Variants in CD1B observed in about 807,000 individuals in gnomAD.
CD1B encodes the protein T-cell surface glycoprotein CD1b.
In CD1B, 43 loss-of-function variants were observed where a neutral mutation model predicts 39.8. The observed-to-expected ratio is 1.08, with a 90% CI of 0.85 to 1.39. The LOEUF (loss-of-function observed/expected upper bound fraction) is 1.39. Among genes scored for constraint, CD1B ranks in the 40% most tolerant of loss-of-function variants. The pLI, the probability that CD1B is intolerant of heterozygous loss-of-function variation, is 0.00. For synonymous variants in CD1B, 192 were observed against 152.5 expected (o/e 1.26, Z -1.91); for missense variants, 495 against 403.8 (o/e 1.23, Z -1.94).
the CD1B span, among the ~76,000 whole-genome samples, chr1:158,317,642 G>GT: frequency 1.3e-5 from 2 of 151,844 alleles, no homozygotes; most frequent in Admixed American, 6.6e-5. Flanking sequence ...TTTTTGAAGG[G>GT]TTTTTGTGTC....
chr1:158,292,803 A>C, the CD1B span: 1 of 1,614,196 alleles, frequency 6.2e-7, no homozygotes, highest in Non-Finnish European at 8.5e-7. Flanking sequence ...GTGGCATCTG[A>C]GGAGCCTGCT....
chr1:158,312,328 C>A, the CD1B span, among the ~76,000 whole-genome samples: 1 of 152,320 alleles, frequency 6.6e-6, no homozygotes, highest in South Asian at 2.1e-4. Context: ...TGCACAAACT[C>A]TCTTCTCTCT....
At chr1:158,312,807 G>C in the CD1B span, among the ~76,000 whole-genome samples, 4 of 152,096 alleles carry the variant, frequency 2.6e-5, no homozygotes, top group African/African-American at 9.7e-5. Context: ...GGGATAATTT[G>C]ACTTCCTTCT....
chr1:158,304,897 T>A, the CD1B span, among the ~76,000 whole-genome samples: 33 of 152,018 alleles, frequency 2.2e-4, no homozygotes, highest in Non-Finnish European at 4.0e-4. Flanking sequence ...GAAGGAAAAC[T>A]AACAAACAGT....
At chr1:158,299,883 CTTT>C in the CD1B span, among the ~76,000 whole-genome samples, 1 of 152,008 alleles carries the variant, frequency 6.6e-6, no homozygotes, top group African/African-American at 2.4e-5. Flanking sequence ...CTCTTTTCTT[CTTT>C]ATTAGTCTTG....
chr1:158,307,886 T>C, the CD1B span, among the ~76,000 whole-genome samples: 8 of 152,172 alleles, frequency 5.3e-5, no homozygotes, highest in Non-Finnish European at 2.9e-5. Context: ...TCATACTGAA[T>C]GGGCAAAACC....
At chr1:158,307,224 C>T in the CD1B span, among the ~76,000 whole-genome samples, 7 of 151,910 alleles carry the variant, frequency 4.6e-5, no homozygotes, top group South Asian at 2.1e-4. Flanking sequence ...ATCAAATAGA[C>T]GCAATAAAAG....
chr1:158,298,054 T>C, the CD1B span, among the ~76,000 whole-genome samples: 1 of 151,912 alleles, frequency 6.6e-6, no homozygotes, highest in Non-Finnish European at 1.5e-5. Flanking sequence ...GCAAAAAATC[T>C]GTCAAGCATA....
chr1:158,320,149 A>T, the CD1B span, among the ~76,000 whole-genome samples: 2 of 152,236 alleles, frequency 1.3e-5, no homozygotes, highest in Admixed American at 1.3e-4. Context: ...GAGCCTACAG[A>T]GGCAGGCAGG....
the CD1B span, among the ~76,000 whole-genome samples, chr1:158,309,480 G>A: frequency 1.4e-4 from 22 of 152,170 alleles, no homozygotes; most frequent in East Asian, 1.4e-3. Flanking sequence ...CCCATTACTG[G>A]TTATATACCC....
intron 2 of CD1B, chr1:158,330,447 G>A: frequency 1.8e-6 from 1 of 554,918 alleles, no homozygotes; most frequent in Non-Finnish European, 3.2e-6. Context: ...GTGCGGGGAG[G>A]AGATGATTGA....
chr1:158,320,519 G>T, the CD1B span, among the ~76,000 whole-genome samples: 1 of 152,072 alleles, frequency 6.6e-6, no homozygotes, highest in Non-Finnish European at 1.5e-5. Flanking sequence ...GCTTCAGCTG[G>T]CACACGGTGT....
At chr1:158,305,145 A>G in the CD1B span, among the ~76,000 whole-genome samples, 1 of 152,174 alleles carries the variant, frequency 6.6e-6, no homozygotes, top group African/African-American at 2.4e-5. Context: ...CTCCGAGCTA[A>G]AAGAGGAAGT....
chr1:158,314,301 T>G, the CD1B span, among the ~76,000 whole-genome samples: 3 of 152,158 alleles, frequency 2.0e-5, no homozygotes, highest in African/African-American at 7.2e-5. Context: ...CTCAGGCTGG[T>G]GTTGAACTCT....
the CD1B span, among the ~76,000 whole-genome samples, chr1:158,303,561 A>T: frequency 6.6e-6 from 1 of 152,218 alleles, no homozygotes; most frequent in Non-Finnish European, 1.5e-5. Flanking sequence ...TCTGATAAAC[A>T]ATTTTAGTTA....
chr1:158,292,770 G>A, the CD1B span: 1 of 1,614,122 alleles, frequency 6.2e-7, no homozygotes, highest in East Asian at 2.2e-5. Context: ...GATGGGACAT[G>A]GTATCTTCAG....
the CD1B span, chr1:158,292,886 G>T: frequency 3.7e-5 from 59 of 1,612,652 alleles, no homozygotes; most frequent in South Asian, 5.5e-4. Flanking sequence ...TAAGACTGGA[G>T]GTTGGAAGTG....
Position 158,329,917 on chromosome 1 carries a change from T to C in CD1B, c.542A>G (p.Tyr181Cys), listed in dbSNP as rs758539060. The C allele has an allele frequency of 3.1e-6, 5 of 1,614,146 alleles. No individual in the cohort carries two copies. The highest frequency in any genetic ancestry group is 1.3e-5 in the African/African-American group (1 of 75,028). Residue 181 changes from tyrosine to cysteine, a missense_variant, in exon 3 of 6, where the codon TAT becomes TGT. Physicochemically the swap from Tyr to Cys is radical, Grantham distance 194 (BLOSUM62 -2). Transcript: ENST00000368168. The part of the protein sequence containing the change: ...GIMETVRILL[Y>C]ETCPRYLLGV... ...CAAGAGATATCGGGGGCAGGTTTCA[T>C]AGAGGAGAATTCTCACAGTTTCCAT...
At chr1:158,293,016 C>A in the CD1B span, 2 of 900,914 alleles carry the variant, frequency 2.2e-6, no homozygotes, top group Non-Finnish European at 1.7e-6. Flanking sequence ...GGAGTAAGAC[C>A]TAAGGGATAC....
Sources: gnomAD v4.1 joint callset for allele counts (sites outside exome capture counted in the v4.1 genomes callset) on GRCh38, gnomAD v4.1.1 for gene constraint, MANE v1.5 for transcripts, NCBI Gene and HGNC (gene_info 2026-07-23, HGNC 2026-07-21) for gene names.